LARGE1: variants seen among roughly 807,000 people sequenced by gnomAD.
LARGE1 encodes the protein xylosyl- and glucuronyltransferase LARGE1.
A neutral mutation model predicts 87.6 loss-of-function variants in LARGE1; 43 were observed. The ratio of observed to expected loss-of-function variants is 0.49; its 90% CI spans 0.38 to 0.63. The LOEUF (loss-of-function observed/expected upper bound fraction) is 0.63. LARGE1 is among the 30% of genes least tolerant of loss of function. The probability of loss-of-function intolerance (pLI) is 0.00; values close to 1 mark genes in which losing one functional copy is unlikely to be tolerated. For missense variants in LARGE1, 802 were observed against 1,000.2 expected (o/e 0.80, Z 2.67); for synonymous variants, 434 against 394.6 (o/e 1.10, Z -1.18).
the LARGE1 span, among the ~76,000 whole-genome samples, chr22:33,152,425 T>C: frequency 1.3e-5 from 2 of 152,244 alleles, no homozygotes; most frequent in African/African-American, 4.8e-5. Context: ...CCGAGCATTG[T>C]GCTGGCCATA....
chr22:33,851,720 T>C (rs1214011479), intron 1 of LARGE1, among the ~76,000 whole-genome samples: 1 of 152,182 alleles, frequency 6.6e-6, no homozygotes, highest in African/African-American at 2.4e-5. Context: ...ATTTGGACTG[T>C]GTTCAGTGAT....
intron 6 of LARGE1, among the ~76,000 whole-genome samples, chr22:33,447,711 G>T (rs780978054): frequency 1.3e-5 from 2 of 152,216 alleles, no homozygotes; most frequent in Admixed American, 1.3e-4. Context: ...GCTTCTGGGC[G>T]TGGGGTAAGT....
Position 33,377,626 on chromosome 22 carries a change from G to A in LARGE1, c.1131+4293C>T, listed in dbSNP as rs558344164. ...TATACTTGAAAGATTATTCTTCTAGGTATACAACCTGTTATTGTTTCTTGG... is the reference window on the plus strand; with the variant it reads ...TATACTTGAAAGATTATTCTTCTAGATATACAACCTGTTATTGTTTCTTGG... On this transcript the variant is annotated intron_variant, in intron 9 of 14. Transcript: ENST00000397394. 5.9e-5 allele frequency among the ~76,000 whole-genome samples: 9 copies of A among 152,188 alleles called. No individual in the cohort carries two copies. The South Asian group carries it at 1.9e-3, about 32-fold the overall frequency.
the LARGE1 span, among the ~76,000 whole-genome samples, chr22:33,096,170 C>G: frequency 6.6e-6 from 1 of 152,096 alleles, no homozygotes; most frequent in African/African-American, 2.4e-5. Flanking sequence ...AATCCCAGCA[C>G]TTTGGGAGGC....
At chr22:33,271,170 C>T (rs1396582119), downstream of LARGE1, among the ~76,000 whole-genome samples, 1 of 152,206 alleles carries the variant, frequency 6.6e-6, no homozygotes, top group Non-Finnish European at 1.5e-5. Context: ...AGGAAGAAGA[C>T]TAGAAATCCA....
intron 6 of LARGE1, chr22:33,563,332 T>C (rs2077918695): frequency 6.6e-6 from 1 of 152,216 alleles, no homozygotes. Context: ...TAACCCCCTC[T>C]AGGAGAGGTG....
At chr22:33,243,430 T>C (rs1198335849) in intron 11 of LARGE1, among the ~76,000 whole-genome samples, 1 of 152,234 alleles carries the variant, frequency 6.6e-6, no homozygotes, top group Non-Finnish European at 1.5e-5. Flanking sequence ...CAACCACTTA[T>C]TTGATTTCTG....
At chr22:33,878,479 T>G (rs1228796933) in intron 1 of LARGE1, among the ~76,000 whole-genome samples, 1 of 152,184 alleles carries the variant, frequency 6.6e-6, no homozygotes, top group African/African-American at 2.4e-5. Context: ...CTTATCAAAC[T>G]GTTTTCCTAA....
At chr22:33,610,355 G>A (rs776116876) in intron 4 of LARGE1, among the ~76,000 whole-genome samples, 18 of 152,190 alleles carry the variant, frequency 1.2e-4, no homozygotes, top group Non-Finnish European at 2.2e-4. Flanking sequence ...TCTCAGATGC[G>A]AATGAGGAAC....
At chr22:33,148,055 C>T in the LARGE1 span, among the ~76,000 whole-genome samples, 2 of 152,098 alleles carry the variant, frequency 1.3e-5, no homozygotes, top group Admixed American at 6.5e-5. Context: ...GGTTAGTTAC[C>T]ATGGAAGTGG....
At position 33,223,456 on chromosome 22, in the gene LARGE1, C is replaced by T. The variant is rs575545006; in HGVS notation, c.1731-56624G>A. On this transcript the variant is annotated intron_variant, in intron 11 of 11. Coordinates refer to the LARGE1 transcript ENST00000608642. ...TTATAGTAGGCTGATTGGGATAGAA[C>T]CAGAGAGTTTACTTTCATCTGCCTG... Among the ~76,000 whole-genome samples the T allele has an allele frequency of 3.3e-5, 5 of 152,272 alleles. No homozygotes were observed. In the East Asian group the frequency reaches 9.6e-4, roughly 29 times the overall value.
chr22:33,811,388 A>G (rs545803347), intron 1 of LARGE1, among the ~76,000 whole-genome samples: 2 of 152,326 alleles, frequency 1.3e-5, no homozygotes, highest in Non-Finnish European at 2.9e-5. Flanking sequence ...GTGGCTGAAG[A>G]GAATTTCCAC....
chr22:33,444,498 C>G (rs1415615741), intron 6 of LARGE1, among the ~76,000 whole-genome samples: 1 of 151,898 alleles, frequency 6.6e-6, no homozygotes, highest in African/African-American at 2.4e-5. Context: ...AGAGGCCCTC[C>G]TTGCATGGCG....
chr22:33,158,158 A>T (rs1034707368), downstream of LARGE1, among the ~76,000 whole-genome samples: 2 of 152,178 alleles, frequency 1.3e-5, no homozygotes, highest in Non-Finnish European at 2.9e-5. Context: ...ACTACATTGA[A>T]GTTCTTATCC....
intron 9 of LARGE1, among the ~76,000 whole-genome samples, chr22:33,369,471 C>G (rs941553642): frequency 6.6e-6 from 1 of 152,070 alleles, no homozygotes; most frequent in African/African-American, 2.4e-5. Context: ...TTTTTTTCCC[C>G]AAATTAAGAG....
At chr22:33,552,102 A>G (rs1355154963) in intron 6 of LARGE1, among the ~76,000 whole-genome samples, 1 of 152,140 alleles carries the variant, frequency 6.6e-6, no homozygotes, top group African/African-American at 2.4e-5. Flanking sequence ...AGGCTAAGTC[A>G]GTCATATGAA....
At chr22:33,281,764 A>C (rs1339682070) in intron 13 of LARGE1, among the ~76,000 whole-genome samples, 1 of 152,160 alleles carries the variant, frequency 6.6e-6, no homozygotes, top group Non-Finnish European at 1.5e-5. Context: ...TCTTGGCTCT[A>C]CTGGGACCTC....
chr22:33,433,201 T>G (rs2147734863), intron 6 of LARGE1, among the ~76,000 whole-genome samples: 1 of 152,356 alleles, frequency 6.6e-6, no homozygotes, highest in Middle Eastern at 3.4e-3. Flanking sequence ...ACATCTACAT[T>G]TGTTTGAAAC....
intron 2 of LARGE1, among the ~76,000 whole-genome samples, chr22:33,752,686 C>T (rs1718131594): frequency 6.6e-6 from 1 of 152,152 alleles, no homozygotes; most frequent in Admixed American, 6.5e-5. Flanking sequence ...AAGTGCATGG[C>T]ACACCATCTC....
Sources: gnomAD v4.1 joint callset for allele counts (sites outside exome capture counted in the v4.1 genomes callset) on GRCh38, gnomAD v4.1.1 for gene constraint, MANE v1.5 for transcripts, NCBI Gene and HGNC (gene_info 2026-07-23, HGNC 2026-07-21) for gene names.